Variants in STXBP4 observed in about 807,000 individuals in gnomAD.
STXBP4 encodes the protein syntaxin-binding protein 4.
In STXBP4, 55 loss-of-function variants were observed where a neutral mutation model predicts 76.1. The observed-to-expected ratio is 0.72, with a 90% CI of 0.58 to 0.91. STXBP4 has a LOEUF of 0.91. Ranked by LOEUF, STXBP4 falls within the 40% of genes least tolerant of loss-of-function variation. STXBP4 has a pLI of 0.00. For synonymous variants in STXBP4, 201 were observed against 220.2 expected (o/e 0.91, Z 0.77); for missense variants, 618 against 636.9 (o/e 0.97, Z 0.32).
At chr17:55,153,608 T>C (rs1278449414) in intron 17 of STXBP4, among the ~76,000 whole-genome samples, 2 of 152,190 alleles carry the variant, frequency 1.3e-5, no homozygotes, top group Non-Finnish European at 2.9e-5. Flanking sequence ...AATTTGTTAA[T>C]TAAGAAGAAT....
At chr17:55,075,973 T>C (rs1473411660) in intron 13 of STXBP4, among the ~76,000 whole-genome samples, 2 of 152,192 alleles carry the variant, frequency 1.3e-5, no homozygotes, top group African/African-American at 2.4e-5. Context: ...TTATTAGGCA[T>C]TTGTGTTTCT....
chr17:55,134,763 T>C (rs1199182248), intron 16 of STXBP4, among the ~76,000 whole-genome samples: 2 of 152,166 alleles, frequency 1.3e-5, no homozygotes, highest in Admixed American at 6.6e-5. Flanking sequence ...AGTTTTATGC[T>C]GAGTTTCATT....
At position 55,034,026 on chromosome 17, in the gene STXBP4, C is replaced by A. The variant is rs2078556891; in HGVS notation, c.764-142C>A. On this transcript the variant is annotated intron_variant, in intron 9 of 17. Coordinates refer to ENST00000376352, the MANE Select transcript of STXBP4 (RefSeq NM_178509.6). Reference sequence around the variant, plus strand: ...ATTTGTCTCTTCTTATTTGAAATTACATTTACCTATCACTTCAGTCAATAC... The same window carrying A: ...ATTTGTCTCTTCTTATTTGAAATTAAATTTACCTATCACTTCAGTCAATAC... The A allele has an allele frequency of 5.6e-6, 3 of 538,894 alleles. No individual in the cohort carries two copies. The East Asian group carries it at 8.5e-5, about 15-fold the overall frequency. The allele number at this position is 538,894 out of a possible 1,614,324, so 33.4% of individuals were successfully genotyped here. A position where few individuals can be genotyped will look rare whatever the true frequency, so the allele number is the denominator to read the frequency against.
chr17:55,180,014 T>C, the STXBP4 span, among the ~76,000 whole-genome samples: 1 of 152,170 alleles, frequency 6.6e-6, no homozygotes, highest in African/African-American at 2.4e-5. Flanking sequence ...GCCCACTTTC[T>C]ACCCACCACC....
At chr17:55,006,472 G>C (rs147509229) in intron 7 of STXBP4, among the ~76,000 whole-genome samples, 1 of 152,254 alleles carries the variant, frequency 6.6e-6, no homozygotes, top group Non-Finnish European at 1.5e-5. Context: ...ATTTAGAATA[G>C]TGGCAATTTA....
At chr17:55,198,090 C>T in the STXBP4 span, among the ~76,000 whole-genome samples, 1 of 152,220 alleles carries the variant, frequency 6.6e-6, no homozygotes, top group African/African-American at 2.4e-5. Context: ...CTAGAGGTTT[C>T]TCATTGGCCA....
chr17:55,140,391 T>C (rs2145148392), intron 16 of STXBP4, among the ~76,000 whole-genome samples: 1 of 152,232 alleles, frequency 6.6e-6, no homozygotes, highest in African/African-American at 2.4e-5. Flanking sequence ...AAGTCAATGA[T>C]TTGTTGTTAA....
Position 54,986,130 on chromosome 17 carries a change from C to T in STXBP4, c.-78-12C>T. Reference sequence around the variant, plus strand: ...AGACCTGACAATTTATTTTCTACTTCTTCAATCCTAGGAAAAGAAGAATTT... The same window carrying T: ...AGACCTGACAATTTATTTTCTACTTTTTCAATCCTAGGAAAAGAAGAATTT... On this transcript the variant is annotated splice_polypyrimidine_tract_variant and intron_variant, in intron 2 of 17. Transcript: ENST00000376352. The T allele has an allele frequency of 8.8e-7, 1 of 1,141,118 alleles. No homozygotes were observed. The highest frequency in any genetic ancestry group is 1.3e-6 in the Non-Finnish European group (1 of 774,070). The allele number at this position is 1,141,118 out of a possible 1,614,324, so 70.7% of individuals were successfully genotyped here. A position where few individuals can be genotyped will look rare whatever the true frequency, so the allele number is the denominator to read the frequency against.
rs2080331918 is a variant in STXBP4 at position 55,160,990 on chromosome 17, C to G, written c.*1079C>G. On this transcript the variant is annotated 3_prime_UTR_variant, in exon 18 of 18. Transcript: ENST00000376352. ...TCTGTTAAAACATTACTGCTCTACT[C>G]GAAACAAGATGGAAGCCTAAAGCCC... The G allele has an allele frequency of 6.6e-6, 1 of 152,108 alleles. No homozygotes were observed. Among genetic ancestry groups the G allele is most frequent in the South Asian group, 2.1e-4 (1 of 4,826 alleles). 9.4% of individuals were successfully genotyped at this position (152,108 alleles called of 1,614,324 possible). A position where few individuals can be genotyped will look rare whatever the true frequency, so the allele number is the denominator to read the frequency against.
chr17:55,075,505 T>A, intron 13 of STXBP4, among the ~76,000 whole-genome samples: 1 of 152,170 alleles, frequency 6.6e-6, no homozygotes, highest in Non-Finnish European at 1.5e-5. Flanking sequence ...AGTGCATGTA[T>A]CCTGCTCCAC....
At chr17:55,093,049 C>T (rs2079438244) in intron 16 of STXBP4, among the ~76,000 whole-genome samples, 1 of 151,958 alleles carries the variant, frequency 6.6e-6, no homozygotes, top group Non-Finnish European at 1.5e-5. Context: ...AGCTGGAGTG[C>T]AGTGGCGCAA....
intron 16 of STXBP4, among the ~76,000 whole-genome samples, chr17:55,103,677 A>G (rs372147998): frequency 2.0e-5 from 3 of 151,840 alleles, no homozygotes; most frequent in African/African-American, 4.8e-5. Flanking sequence ...AAGAAAGTCA[A>G]TGGTAGCTTG....
chr17:55,089,234 T>C (rs952785873), intron 16 of STXBP4, among the ~76,000 whole-genome samples: 8 of 152,254 alleles, frequency 5.3e-5, no homozygotes, highest in Non-Finnish European at 7.3e-5. Flanking sequence ...CCATGACTAC[T>C]GCTGGTGCCA....
chr17:55,037,261 A>G (rs1223364899), intron 10 of STXBP4, among the ~76,000 whole-genome samples: 1 of 152,132 alleles, frequency 6.6e-6, no homozygotes, highest in African/African-American at 2.4e-5. Flanking sequence ...TTACTGCCAA[A>G]CAGTTCTCAG....
At chr17:55,085,735 TG>T (rs1269314591) in intron 16 of STXBP4, among the ~76,000 whole-genome samples, 2 of 152,216 alleles carry the variant, frequency 1.3e-5, no homozygotes, top group Middle Eastern at 3.4e-3. Flanking sequence ...AAAGACCCTC[TG>T]GGGTAAGTTC....
At chr17:55,005,732 C>T (rs1335587939) in intron 7 of STXBP4, among the ~76,000 whole-genome samples, 1 of 152,128 alleles carries the variant, frequency 6.6e-6, no homozygotes, top group African/African-American at 2.4e-5. Flanking sequence ...CACTTGGGTC[C>T]ACCTAGTGTT....
chr17:55,201,594 A>G, the STXBP4 span, among the ~76,000 whole-genome samples: 2 of 152,184 alleles, frequency 1.3e-5, no homozygotes, highest in African/African-American at 4.8e-5. Context: ...TCAGCTTCCA[A>G]TTCTCTTCTC....
chr17:55,041,511 C>T (rs1305562813), intron 10 of STXBP4, among the ~76,000 whole-genome samples: 1 of 152,116 alleles, frequency 6.6e-6, no homozygotes, highest in Non-Finnish European at 1.5e-5. Flanking sequence ...GGTCACTGCA[C>T]CTGGCCTTAT....
In STXBP4 at chr17:55,171,484, A is replaced by G. The variant is rs2080405809; in HGVS notation, c.*11573A>G. 6.6e-6 allele frequency: 1 copy of G among 152,198 alleles called. No individual in the cohort carries two copies. The highest frequency in any genetic ancestry group is 1.5e-5 in the Non-Finnish European group (1 of 68,032). 9.4% of individuals were successfully genotyped at this position (152,198 alleles called of 1,614,324 possible). A position where few individuals can be genotyped will look rare whatever the true frequency, so the allele number is the denominator to read the frequency against. On this transcript the variant is annotated 3_prime_UTR_variant, in exon 18 of 18. Transcript: ENST00000376352. ...GATTATTGATTTATCTATAAGGAAT[A>G]ATCTGTGAATTAACCTTCTGTAGCT... is the stretch of plus-strand genomic sequence containing the variant.
Sources: gnomAD v4.1 joint callset for allele counts (sites outside exome capture counted in the v4.1 genomes callset) on GRCh38, gnomAD v4.1.1 for gene constraint, MANE v1.5 for transcripts, NCBI Gene and HGNC (gene_info 2026-07-23, HGNC 2026-07-21) for gene names.